LRRC4C: variants seen among roughly 807,000 people sequenced by gnomAD.
LRRC4C encodes the protein leucine-rich repeat-containing protein 4C.
Under a neutral mutation model 33.6 loss-of-function variants are expected in LRRC4C, and 5 were observed. That is an observed-to-expected ratio of 0.15 (90% CI 0.08 to 0.31). LRRC4C has a LOEUF of 0.31. LRRC4C is among the 10% of genes least tolerant of loss of function. The probability of loss-of-function intolerance (pLI) is 1.00; values close to 1 mark genes in which losing one functional copy is unlikely to be tolerated. For synonymous variants in LRRC4C, 329 were observed against 302.0 expected (o/e 1.09, Z -0.93); for missense variants, 560 against 796.7 (o/e 0.70, Z 3.58).
chr11:40,943,365 T>G (rs1958244362), intron 1 of LRRC4C, among the ~76,000 whole-genome samples: 1 of 152,198 alleles, frequency 6.6e-6, no homozygotes, highest in Non-Finnish European at 1.5e-5. Context: ...TCTCAGCTGC[T>G]TGACTTCAAA....
chr11:40,933,516 A>C (rs1226599824), intron 2 of LRRC4C, 119 bp downstream of exon 2: 1 of 152,244 alleles, frequency 6.6e-6, no homozygotes, highest in Non-Finnish European at 1.5e-5. Flanking sequence ...GTTCCAGCTT[A>C]TTTGGCCACT....
At chr11:40,184,306 A>G (rs1313793840) in intron 5 of LRRC4C, among the ~76,000 whole-genome samples, 1 of 152,204 alleles carries the variant, frequency 6.6e-6, no homozygotes, top group East Asian at 1.9e-4. Flanking sequence ...TTTAGGAAGA[A>G]TAATATTAAA....
At chr11:40,799,512 T>G (rs4589283) in intron 2 of LRRC4C, among the ~76,000 whole-genome samples, 19 of 152,334 alleles carry the variant, frequency 1.2e-4, no homozygotes, top group African/African-American at 4.6e-4. Context: ...ATTATTTTTT[T>G]GAGTCAGAGT....
At chr11:40,717,211 T>A (rs1946772327) in intron 2 of LRRC4C, among the ~76,000 whole-genome samples, 1 of 152,110 alleles carries the variant, frequency 6.6e-6, no homozygotes, top group Admixed American at 6.6e-5. Flanking sequence ...TAATCATAAA[T>A]GAACAGGACC....
intron 3 of LRRC4C, among the ~76,000 whole-genome samples, chr11:40,482,299 A>G (rs918556076): frequency 7.9e-5 from 12 of 152,150 alleles, no homozygotes; most frequent in East Asian, 1.9e-4. Context: ...AACCCTTAGG[A>G]CATTCAGATT....
intron 2 of LRRC4C, among the ~76,000 whole-genome samples, chr11:40,778,624 C>T (rs548899333): frequency 5.2e-4 from 79 of 151,926 alleles, no homozygotes; most frequent in Non-Finnish European, 9.3e-4. Flanking sequence ...ATAGGGAAGC[C>T]GGTAGAGGAG....
intron 2 of LRRC4C, among the ~76,000 whole-genome samples, chr11:40,899,361 C>T (rs1353268346): frequency 6.6e-6 from 1 of 152,136 alleles, no homozygotes; most frequent in South Asian, 2.1e-4. Context: ...CGTACCGTGA[C>T]CCTTCGTGTC....
At chr11:40,682,039 C>G (rs1944714573) in intron 2 of LRRC4C, among the ~76,000 whole-genome samples, 1 of 151,972 alleles carries the variant, frequency 6.6e-6, no homozygotes, top group Non-Finnish European at 1.5e-5. Context: ...CACAAATCTC[C>G]ACTAAAGAAA....
intron 2 of LRRC4C, among the ~76,000 whole-genome samples, chr11:40,745,167 T>C (rs1419509199): frequency 6.6e-6 from 1 of 152,200 alleles, no homozygotes; most frequent in African/African-American, 2.4e-5. Context: ...GAAAGCATTA[T>C]CATGCTCATA....
chr11:41,288,153 G>C (rs1401509911), intron 1 of LRRC4C, among the ~76,000 whole-genome samples: 1 of 152,184 alleles, frequency 6.6e-6, no homozygotes, highest in Non-Finnish European at 1.5e-5. Flanking sequence ...GGTGAAACAA[G>C]TAGGCAAATA....
chr11:41,145,518 A>G (rs534269040), intron 1 of LRRC4C, among the ~76,000 whole-genome samples: 1 of 119,604 alleles, frequency 8.4e-6, no homozygotes, highest in Non-Finnish European at 2.0e-5. Context: ...TATATTGCCT[A>G]TGGCTGCTTT....
chr11:40,188,539 T>C (rs762296300), intron 5 of LRRC4C, among the ~76,000 whole-genome samples: 1 of 152,240 alleles, frequency 6.6e-6, no homozygotes, highest in Non-Finnish European at 1.5e-5. Flanking sequence ...TTTCTACTCA[T>C]GCATACTTTC....
intron 3 of LRRC4C, among the ~76,000 whole-genome samples, chr11:40,397,733 A>G (rs1949599255): frequency 6.6e-6 from 1 of 152,110 alleles, no homozygotes; most frequent in South Asian, 2.1e-4. Context: ...TAGGCTGAAA[A>G]TGAGCATGGA....
intron 4 of LRRC4C, among the ~76,000 whole-genome samples, chr11:40,295,115 C>T (rs1342335162): frequency 1.3e-5 from 2 of 152,136 alleles, no homozygotes; most frequent in African/African-American, 4.8e-5. Flanking sequence ...AAATAGTTGG[C>T]ACATTTCAAA....
chr11:40,639,561 C>T (rs1352903949), intron 3 of LRRC4C, among the ~76,000 whole-genome samples: 2 of 152,158 alleles, frequency 1.3e-5, no homozygotes, highest in Non-Finnish European at 2.9e-5. Context: ...GTTATTGCTG[C>T]GCCTTCTTTG....
chr11:40,325,980 T>C (rs906837757), intron 3 of LRRC4C, among the ~76,000 whole-genome samples: 2 of 151,814 alleles, frequency 1.3e-5, no homozygotes, highest in African/African-American at 4.8e-5. Context: ...TAACTGGTTC[T>C]CTGTCTAGCC....
chr11:41,105,470 G>A (rs1941440766), intron 1 of LRRC4C, among the ~76,000 whole-genome samples: 2 of 151,960 alleles, frequency 1.3e-5, no homozygotes, highest in Admixed American at 1.3e-4. Flanking sequence ...CAAGAGCAAA[G>A]TAGTTCATCT....
chr11:40,257,900 G>A (rs1298081303), intron 4 of LRRC4C, among the ~76,000 whole-genome samples: 1 of 152,106 alleles, frequency 6.6e-6, no homozygotes, highest in African/African-American at 2.4e-5. Flanking sequence ...TGTTCTATGT[G>A]AAAATAAATT....
chr11:40,795,854 C>A (rs1439358386), intron 2 of LRRC4C, among the ~76,000 whole-genome samples: 1 of 151,950 alleles, frequency 6.6e-6, no homozygotes, highest in Non-Finnish European at 1.5e-5. Flanking sequence ...TTTAACTAGC[C>A]CTGTAACGCT....
Sources: gnomAD v4.1 joint callset for allele counts (sites outside exome capture counted in the v4.1 genomes callset) on GRCh38, gnomAD v4.1.1 for gene constraint, MANE v1.5 for transcripts, NCBI Gene and HGNC (gene_info 2026-07-23, HGNC 2026-07-21) for gene names.